Variants in CHL1 observed in about 807,000 individuals in gnomAD.
The protein encoded by CHL1 is cell adhesion molecule L1 like.
A neutral mutation model predicts 141.9 loss-of-function variants in CHL1; 96 were observed. That is an observed-to-expected ratio of 0.68 (90% CI 0.57 to 0.80). The LOEUF (loss-of-function observed/expected upper bound fraction) is 0.80. Among genes scored for constraint, CHL1 ranks in the 30% least tolerant of loss-of-function variants. CHL1 has a pLI of 0.00. For missense variants in CHL1, 1,820 were observed against 1,457.2 expected (o/e 1.25, Z -4.05); for synonymous variants, 613 against 502.2 (o/e 1.22, Z -2.95).
intron 2 of CHL1, among the ~76,000 whole-genome samples, chr3:292,636 T>C (rs555497691): frequency 3.3e-5 from 5 of 152,180 alleles, no homozygotes; most frequent in Non-Finnish European, 7.3e-5. Flanking sequence ...TAGTAATTTA[T>C]AAAGAAAAGA....
intron 11 of CHL1, among the ~76,000 whole-genome samples, chr3:358,408 G>A (rs1396024024): frequency 1.3e-5 from 2 of 152,046 alleles, no homozygotes; most frequent in African/African-American, 4.8e-5. Context: ...TCCAGATGTA[G>A]GAAATAATTT....
At position 376,955 on chromosome 3, in the gene CHL1, C is replaced by A. The variant is rs570026181; in HGVS notation, c.1752-863C>A. Among the ~76,000 whole-genome samples the A allele has an allele frequency of 3.3e-5, 5 of 152,206 alleles. No individual in the cohort carries two copies. In the East Asian group the frequency reaches 7.7e-4, roughly 24 times the overall value. On this transcript the variant is annotated intron_variant, in intron 15 of 27. Coordinates refer to ENST00000256509, the MANE Select transcript of CHL1 (RefSeq NM_006614.4). ...CAATTTAAAGTAGGTTTATATAATT[C>A]AAAATTCTCAGCATTTTATATGAAA...
chr3:212,665 G>A lies in CHL1; in HGVS notation c.-175+15602G>A, dbSNP rs983627019. Reference sequence around the variant, plus strand: ...GCAGGCCAAGTAACTGTCACATTTCGTTTCCACTTTCAGCTGGAGTCAGCC... The same window carrying A: ...GCAGGCCAAGTAACTGTCACATTTCATTTCCACTTTCAGCTGGAGTCAGCC... On this transcript the variant is annotated intron_variant, in intron 1 of 27. Transcript: ENST00000256509. 5.9e-5 allele frequency among the ~76,000 whole-genome samples: 9 copies of A among 152,056 alleles called. 1 individual carries two copies. The highest frequency in any genetic ancestry group is 1.0e-4 in the Non-Finnish European group (7 of 68,018).
At chr3:241,822 A>C (rs1017855662) in intron 1 of CHL1, among the ~76,000 whole-genome samples, 3 of 152,082 alleles carry the variant, frequency 2.0e-5, no homozygotes, top group Non-Finnish European at 4.4e-5. Flanking sequence ...CTTAAGTAAA[A>C]GAAACTAAGG....
At chr3:394,930 TA>T in intron 24 of CHL1, 58 bp downstream of exon 24, 1 of 1,379,678 alleles carries the variant, frequency 7.2e-7, no homozygotes, top group Non-Finnish European at 9.9e-7. Context: ...TGCATCTTTT[TA>T]AACAGCTGCA....
chr3:224,462 G>T (rs919970658), intron 1 of CHL1, among the ~76,000 whole-genome samples: 5 of 152,078 alleles, frequency 3.3e-5, no homozygotes, highest in Non-Finnish European at 5.9e-5. Flanking sequence ...GTATGGCCTG[G>T]TGCTGTCCTC....
At chr3:398,104 C>A in intron 24 of CHL1, 123 bp from the exon 25 acceptor site, 1 of 532,898 alleles carries the variant, frequency 1.9e-6, no homozygotes, top group Non-Finnish European at 3.1e-6. Context: ...CCTGGTAATT[C>A]AAAAACTATC....
chr3:264,839 A>G (rs1695024890), intron 2 of CHL1, among the ~76,000 whole-genome samples: 1 of 152,222 alleles, frequency 6.6e-6, no homozygotes, highest in Non-Finnish European at 1.5e-5. Context: ...TTAGACATCT[A>G]CAACACTGTG....
chr3:212,078 A>C (rs1325137369), intron 1 of CHL1, among the ~76,000 whole-genome samples: 1 of 152,162 alleles, frequency 6.6e-6, no homozygotes, highest in Non-Finnish European at 1.5e-5. Flanking sequence ...ATAACCTAAA[A>C]TGTTATATAT....
At chr3:225,212 A>G (rs968737073) in intron 1 of CHL1, among the ~76,000 whole-genome samples, 1 of 152,244 alleles carries the variant, frequency 6.6e-6, no homozygotes. Context: ...CATTCAACAT[A>G]TAATTATTGC....
In CHL1 at chr3:394,936, G is replaced by C. The variant is rs181133533; in HGVS notation, c.3094+64G>C. Reference sequence around the variant, plus strand: ...AAAAGAGACTGCATCTTTTTAAACAGCTGCACTGAAAGGAAAGCACCGTGC... The same window carrying C: ...AAAAGAGACTGCATCTTTTTAAACACCTGCACTGAAAGGAAAGCACCGTGC... On this transcript the variant is annotated intron_variant, in intron 24 of 27. Coordinates refer to ENST00000256509, the MANE Select transcript of CHL1 (RefSeq NM_006614.4). The C allele has an allele frequency of 1.5e-4, 195 of 1,328,274 alleles. 3 individuals carry two copies. The East Asian group carries it at 2.3e-3, about 16-fold the overall frequency. 82.3% of individuals were successfully genotyped at this position (1,328,274 alleles called of 1,614,324 possible). A position where few individuals can be genotyped will look rare whatever the true frequency, so the allele number is the denominator to read the frequency against.
intron 3 of CHL1, among the ~76,000 whole-genome samples, chr3:323,937 A>G (rs972916483): frequency 2.6e-5 from 4 of 152,252 alleles, no homozygotes; most frequent in East Asian, 1.9e-4. Context: ...CATAATATTT[A>G]AAGGTTTTCA....
At chr3:308,451 T>C (rs75715218) in intron 2 of CHL1, among the ~76,000 whole-genome samples, 14,251 of 151,976 alleles carry the variant, frequency 0.094, 985 homozygotes, top group East Asian at 0.32. Flanking sequence ...ACCTGAACAA[T>C]TTGATTAACA....
chr3:275,122 C>T (rs114584435), intron 2 of CHL1, among the ~76,000 whole-genome samples: 1 of 152,320 alleles, frequency 6.6e-6, no homozygotes, highest in Non-Finnish European at 1.5e-5. Context: ...TAGGGATATT[C>T]TACCTATTTA....
At chr3:311,909 C>T (rs1190475729) in intron 2 of CHL1, among the ~76,000 whole-genome samples, 2 of 152,066 alleles carry the variant, frequency 1.3e-5, no homozygotes, top group African/African-American at 4.8e-5. Context: ...GATTATTCTC[C>T]ATCCCTGTAG....
chr3:277,746 C>G (rs1377940850), intron 2 of CHL1, among the ~76,000 whole-genome samples: 1 of 152,214 alleles, frequency 6.6e-6, no homozygotes, highest in Admixed American at 6.5e-5. Context: ...ATATTTCCCC[C>G]TTTCCCTGTC....
intron 8 of CHL1, among the ~76,000 whole-genome samples, chr3:343,481 G>GA (rs959727954): frequency 4.6e-5 from 7 of 152,050 alleles, no homozygotes; most frequent in African/African-American, 9.7e-5. Context: ...GGCTTTCTGA[G>GA]AAAAAAACAG....
At chr3:250,285 C>A (rs551892980) in intron 2 of CHL1, among the ~76,000 whole-genome samples, 1 of 151,828 alleles carries the variant, frequency 6.6e-6, no homozygotes, top group Non-Finnish European at 1.5e-5. Flanking sequence ...TTTTTACATG[C>A]GGAGAGGATG....
chr3:243,497 G>A (rs749018451), intron 1 of CHL1, among the ~76,000 whole-genome samples: 1 of 152,152 alleles, frequency 6.6e-6, no homozygotes, highest in Non-Finnish European at 1.5e-5. Context: ...CTAAACAAAA[G>A]TATTAAGGAC....
Sources: allele counts gnomAD v4.1 joint callset (sites outside exome capture counted in the v4.1 genomes callset), GRCh38; gene constraint gnomAD v4.1.1; transcripts MANE v1.5; gene names NCBI Gene and HGNC (gene_info 2026-07-23, HGNC 2026-07-21).